Variants in TRIQK observed in about 807,000 individuals in gnomAD.
TRIQK encodes the protein triple QxxK/R motif containing, also known as triple QxxK/R motif-containing protein.
Under a neutral mutation model 10.8 loss-of-function variants are expected in TRIQK, and 10 were observed. The observed-to-expected ratio is 0.92, with a 90% CI of 0.57 to 1.57. The LOEUF (loss-of-function observed/expected upper bound fraction) is 1.57. Among genes scored for constraint, TRIQK ranks in the 40% most tolerant of loss-of-function variants. The pLI is 0.00. For synonymous variants in TRIQK, 33 were observed against 33.7 expected (o/e 0.98, Z 0.07); for missense variants, 107 against 97.7 (o/e 1.09, Z -0.40).
At chr8:92,936,096 T>C (rs1382861182) in intron 2 of TRIQK, among the ~76,000 whole-genome samples, 1 of 151,568 alleles carries the variant, frequency 6.6e-6, no homozygotes, top group African/African-American at 2.4e-5. Context: ...GCCTAAAAAT[T>C]GGCACACTTC....
chr8:93,005,425 G>A (rs1030755127), intron 1 of TRIQK, among the ~76,000 whole-genome samples: 1 of 152,144 alleles, frequency 6.6e-6, no homozygotes, highest in Non-Finnish European at 1.5e-5. Context: ...CAACACTGGG[G>A]ATTATAATTC....
At chr8:92,907,056 G>A (rs944301938) in intron 3 of TRIQK, among the ~76,000 whole-genome samples, 6 of 152,126 alleles carry the variant, frequency 3.9e-5, no homozygotes, top group Non-Finnish European at 8.8e-5. Flanking sequence ...ACATGAAAAT[G>A]GGAGAGAAAG....
At chr8:92,905,927 A>G (rs1809231652) in intron 3 of TRIQK, among the ~76,000 whole-genome samples, 2 of 152,200 alleles carry the variant, frequency 1.3e-5, no homozygotes, top group Non-Finnish European at 2.9e-5. Flanking sequence ...CTCAGGGATC[A>G]TCTGGCCTGA....
intron 1 of TRIQK, among the ~76,000 whole-genome samples, chr8:92,990,519 G>C (rs570210210): frequency 1.2e-4 from 19 of 152,110 alleles, no homozygotes; most frequent in Non-Finnish European, 2.5e-4. Context: ...CAACACAGAA[G>C]GCAGGTGATT....
At chr8:92,903,777 T>G (rs964599594) in intron 3 of TRIQK, among the ~76,000 whole-genome samples, 2 of 152,118 alleles carry the variant, frequency 1.3e-5, no homozygotes, top group Non-Finnish European at 2.9e-5. Flanking sequence ...CAGAAATGAG[T>G]ATTACGTTCA....
chr8:93,006,581 G>C (rs1166732747), intron 1 of TRIQK, among the ~76,000 whole-genome samples: 3 of 152,172 alleles, frequency 2.0e-5, no homozygotes, highest in Admixed American at 6.5e-5. Flanking sequence ...CATCACTGAG[G>C]CTACCTGCTG....
At chr8:92,964,533 C>T (rs149516591) in intron 1 of TRIQK, among the ~76,000 whole-genome samples, 5 of 147,190 alleles carry the variant, frequency 3.4e-5, no homozygotes, top group African/African-American at 1.2e-4. Context: ...CAGGTTCTAC[C>T]TAACCAGAAC....
At position 92,886,157 on chromosome 8, in the gene TRIQK, A is replaced by G. The variant is rs1800278836; in HGVS notation, c.*465T>C. ...CTCTAATGATGTAAAATACGTCCAG[A>G]AAGAAAGCAGGGCTTTGTTGTAAAA... is the stretch of plus-strand genomic sequence containing the variant. On this transcript the variant is annotated 3_prime_UTR_variant, in exon 5 of 5. Transcript: ENST00000521988. The G allele has an allele frequency of 6.6e-6, 1 of 152,098 alleles. No individual in the cohort carries two copies. The allele number at this position is 152,098 out of a possible 1,614,324, so 9.4% of individuals were successfully genotyped here.
At chr8:92,994,403 T>C (rs1177579591) in intron 1 of TRIQK, among the ~76,000 whole-genome samples, 1 of 92,106 alleles carries the variant, frequency 1.1e-5, no homozygotes, top group African/African-American at 7.2e-5. Context: ...TTTTAAAAAA[T>C]TTATTTGTTT....
intron 2 of TRIQK, among the ~76,000 whole-genome samples, chr8:92,918,250 A>G (rs551316697): frequency 2.6e-5 from 4 of 151,968 alleles, no homozygotes; most frequent in Non-Finnish European, 5.9e-5. Context: ...GGAGTAGGAT[A>G]TCTGGATCAT....
intron 3 of TRIQK, among the ~76,000 whole-genome samples, chr8:92,894,437 C>G (rs1340039928): frequency 6.7e-6 from 1 of 150,150 alleles, no homozygotes; most frequent in African/African-American, 2.5e-5. Flanking sequence ...CTTCTGCGTA[C>G]TTACACCTAA....
intron 3 of TRIQK, among the ~76,000 whole-genome samples, chr8:92,906,460 C>A (rs1206160882): frequency 3.3e-5 from 5 of 151,932 alleles, no homozygotes; most frequent in Admixed American, 2.6e-4. Context: ...AAGGCAAAGA[C>A]CCTCAGTAAA....
chr8:92,903,431 A>T (rs1000574426), intron 3 of TRIQK, among the ~76,000 whole-genome samples: 1 of 152,158 alleles, frequency 6.6e-6, no homozygotes, highest in African/African-American at 2.4e-5. Context: ...TGATAATTAA[A>T]TGCCAGGCAA....
intron 3 of TRIQK, among the ~76,000 whole-genome samples, chr8:92,916,142 A>G (rs1021464739): frequency 6.6e-6 from 1 of 152,206 alleles, no homozygotes; most frequent in Admixed American, 6.5e-5. Context: ...TTTCTAATTT[A>G]CTACATTTGA....
intron 2 of TRIQK, among the ~76,000 whole-genome samples, chr8:92,950,781 T>C (rs1274103394): frequency 6.6e-6 from 1 of 152,140 alleles, no homozygotes; most frequent in Admixed American, 6.6e-5. Flanking sequence ...AAAGCCCTTA[T>C]AGTACATTCC....
At chr8:92,910,462 G>A (rs1809511878) in intron 3 of TRIQK, among the ~76,000 whole-genome samples, 1 of 150,346 alleles carries the variant, frequency 6.7e-6, no homozygotes. Flanking sequence ...GATTAGCAAA[G>A]GAAAAATCAC....
chr8:92,992,211 C>T (rs1405359529), intron 1 of TRIQK, among the ~76,000 whole-genome samples: 1 of 152,044 alleles, frequency 6.6e-6, no homozygotes, highest in Non-Finnish European at 1.5e-5. Flanking sequence ...GAAACTCCTG[C>T]CCCCAGGACC....
At chr8:92,951,818 A>C (rs569512827) in intron 2 of TRIQK, among the ~76,000 whole-genome samples, 52 of 152,088 alleles carry the variant, frequency 3.4e-4, no homozygotes, top group African/African-American at 1.2e-3. Flanking sequence ...ACTCTAGCCC[A>C]CTCTAGCTTT....
intron 1 of TRIQK, among the ~76,000 whole-genome samples, chr8:92,971,232 G>C (rs907219739): frequency 6.6e-6 from 1 of 152,030 alleles, no homozygotes; most frequent in Non-Finnish European, 1.5e-5. Flanking sequence ...ACACACAAGG[G>C]AACAAGACAA....
Sources: allele counts gnomAD v4.1 joint callset (sites outside exome capture counted in the v4.1 genomes callset), GRCh38; gene constraint gnomAD v4.1.1; transcripts MANE v1.5; gene names NCBI Gene and HGNC (gene_info 2026-07-23, HGNC 2026-07-21).